ANXA5: variants seen among roughly 807,000 people sequenced by gnomAD.
ANXA5 encodes CBP-I.
Under a neutral mutation model 48.1 loss-of-function variants are expected in ANXA5, and 40 were observed. The ratio of observed to expected loss-of-function variants is 0.83; its 90% CI spans 0.65 to 1.08. The LOEUF is 1.08. ANXA5 is among the 50% of genes least tolerant of loss of function. The probability of loss-of-function intolerance (pLI) is 0.00; values close to 1 mark genes in which losing one functional copy is unlikely to be tolerated. For missense variants in ANXA5, 357 were observed against 376.8 expected, an observed-to-expected ratio of 0.95 and a Z score of 0.44; for synonymous variants, 113 against 129.1, an observed-to-expected ratio of 0.88 and a Z score of 0.85.
At chr4:121,694,882 C>A (rs1290330630) in intron 2 of ANXA5, among the ~76,000 whole-genome samples, 1 of 152,114 alleles carries the variant, frequency 6.6e-6, no homozygotes, top group Non-Finnish European at 1.5e-5. Flanking sequence ...TATATGCAAA[C>A]CACCATTCTC....
At chr4:121,685,848 A>C (rs567946841) in intron 3 of ANXA5, among the ~76,000 whole-genome samples, 2 of 152,262 alleles carry the variant, frequency 1.3e-5, no homozygotes, top group African/African-American at 4.8e-5. Flanking sequence ...GAGGGTGACA[A>C]GCTCAAAAGC....
chr4:121,696,202 C>A (rs1379301771), intron 2 of ANXA5, among the ~76,000 whole-genome samples: 1 of 151,960 alleles, frequency 6.6e-6, no homozygotes, highest in Admixed American at 6.5e-5. Context: ...GGAATGCGTT[C>A]GCCTCACATG....
intron 5 of ANXA5, among the ~76,000 whole-genome samples, chr4:121,682,991 A>C (rs1413232175): frequency 6.6e-6 from 1 of 152,182 alleles, no homozygotes; most frequent in Non-Finnish European, 1.5e-5. Context: ...TTTAACCTAA[A>C]ATGATGAGCA....
At chr4:121,679,704 A>C (rs1297532003) in intron 6 of ANXA5, among the ~76,000 whole-genome samples, 1 of 152,116 alleles carries the variant, frequency 6.6e-6, no homozygotes, top group African/African-American at 2.4e-5. Flanking sequence ...TATCTTTTCT[A>C]CCTACTCAAA....
intron 12 of ANXA5, among the ~76,000 whole-genome samples, chr4:121,669,116 T>A (rs1304768307): frequency 2.6e-5 from 4 of 151,942 alleles, no homozygotes; most frequent in Admixed American, 6.6e-5. Flanking sequence ...CAGAGCACCT[T>A]GTTTTAAAAA....
chr4:121,669,895 G>C (rs1377156947), intron 11 of ANXA5, 59 bp downstream of exon 11: 3 of 1,474,890 alleles, frequency 2.0e-6, no homozygotes, highest in African/African-American at 1.4e-5. Context: ...AAACAAAAGT[G>C]AAGAATAATA....
At chr4:121,675,220 T>C (rs1279709179) in intron 8 of ANXA5, among the ~76,000 whole-genome samples, 1 of 152,230 alleles carries the variant, frequency 6.6e-6, no homozygotes, top group Non-Finnish European at 1.5e-5. Context: ...AAAAAGTGGA[T>C]TATCTACAAA....
intron 2 of ANXA5, among the ~76,000 whole-genome samples, chr4:121,687,579 T>C (rs1222213060): frequency 1.3e-5 from 2 of 152,196 alleles, no homozygotes; most frequent in Non-Finnish European, 2.9e-5. Flanking sequence ...GGAAAGTTTC[T>C]TTTCCATCTT....
At chr4:121,669,051 C>T (rs1450904544) in intron 12 of ANXA5, among the ~76,000 whole-genome samples, 3 of 97,334 alleles carry the variant, frequency 3.1e-5, no homozygotes, top group Non-Finnish European at 7.4e-5. Flanking sequence ...TTAACCTTTA[C>T]TGGAAAAAAA....
chr4:121,669,758 G>A (rs41278075), intron 11 of ANXA5, 34 bp from the exon 12 acceptor site: 377,388 of 1,575,230 alleles, frequency 0.24, 48,182 homozygotes, highest in South Asian at 0.32. Flanking sequence ...GAAGCAAAAT[G>A]CTTAAAAACT....
intron 8 of ANXA5, among the ~76,000 whole-genome samples, chr4:121,676,351 C>T (rs1413517582): frequency 6.6e-6 from 1 of 152,154 alleles, no homozygotes; most frequent in Non-Finnish European, 1.5e-5. Context: ...GTGAAATATT[C>T]TTATAGTGAA....
chr4:121,679,797 TGTTTTCATATATGTGTAC>T (rs1724758719), intron 6 of ANXA5, among the ~76,000 whole-genome samples: 1 of 152,182 alleles, frequency 6.6e-6, no homozygotes, highest in Admixed American at 6.5e-5. Context: ...TACACCATGA[TGTTTTCATATATGTGTAC>T]GTTGTGAAAT....
At chr4:121,693,317 G>A (rs1025079528) in intron 2 of ANXA5, among the ~76,000 whole-genome samples, 10 of 151,934 alleles carry the variant, frequency 6.6e-5, no homozygotes, top group African/African-American at 2.4e-4. Context: ...ATCAATTGAT[G>A]ATATGTTTAC....
intron 5 of ANXA5, 50 bp from the exon 6 acceptor site, chr4:121,681,811 A>G: frequency 7.4e-7 from 1 of 1,346,802 alleles, no homozygotes; most frequent in Non-Finnish European, 1.1e-6. Flanking sequence ...TTAAAAAGAA[A>G]GTTATTAAAA....
At chr4:121,696,446 A>G (rs2306414) in intron 2 of ANXA5, 135 bp downstream of exon 2, 37,351 of 812,894 alleles carry the variant, frequency 0.046, 1,069 homozygotes, top group African/African-American at 0.11. Flanking sequence ...GAACAAGAAA[A>G]GTGGAAGCGA....
chr4:121,670,201 GT>G (rs1266715912), intron 10 of ANXA5, among the ~76,000 whole-genome samples, 189 bp from the exon 11 acceptor site: 1 of 152,178 alleles, frequency 6.6e-6, no homozygotes, highest in Non-Finnish European at 1.5e-5. Flanking sequence ...ACTGGCTTAG[GT>G]TTTCCTTGGA....
intron 6 of ANXA5, 33 bp from the exon 7 acceptor site, chr4:121,678,527 C>G: frequency 6.6e-7 from 1 of 1,522,192 alleles, no homozygotes; most frequent in Non-Finnish European, 9.1e-7. Flanking sequence ...TTATTTACAT[C>G]TTCTTTCAAC....
At position 121,678,885 on chromosome 4, in the gene ANXA5, A is replaced by T. The variant is rs1724744628; in HGVS notation, c.395-391T>A. On this transcript the variant is annotated intron_variant, in intron 6 of 12. Coordinates refer to ENST00000296511, the MANE Select transcript of ANXA5 (RefSeq NM_001154.4). ...CTTCCAAATGTCTTCTATCTCTAAT[A>T]TTCTGAGATTTATTTCTTTGGGCAT... 2.0e-5 allele frequency among the ~76,000 whole-genome samples: 3 copies of T among 151,726 alleles called. No individual in the cohort carries two copies. The South Asian group carries it at 6.3e-4, about 32-fold the overall frequency.
intron 10 of ANXA5, among the ~76,000 whole-genome samples, chr4:121,671,015 C>A (rs1328536955): frequency 6.6e-6 from 1 of 152,154 alleles, no homozygotes; most frequent in Non-Finnish European, 1.5e-5. Flanking sequence ...ATACTGCAAT[C>A]AACTGCACAG....
Sources: gnomAD v4.1 joint callset for allele counts (sites outside exome capture counted in the v4.1 genomes callset) on GRCh38, gnomAD v4.1.1 for gene constraint, MANE v1.5 for transcripts, NCBI Gene and HGNC (gene_info 2026-07-23, HGNC 2026-07-21) for gene names.